The following GLI2 variants were observed in gnomAD, a reference collection of about 807,000 sequenced individuals.
GLI2 encodes the protein transcription activator GLI2.
Under a neutral mutation model 78.9 loss-of-function variants are expected in GLI2, and 22 were observed. That is an observed-to-expected ratio of 0.28 (90% CI 0.20 to 0.40). The LOEUF is 0.40. Among genes scored for constraint, GLI2 ranks in the 10% least tolerant of loss-of-function variants. The pLI is 1.00. For missense variants in GLI2, 2,097 were observed against 2,213.2 expected (o/e 0.95, Z 1.05); for synonymous variants, 974 against 963.7 (o/e 1.01, Z -0.20).
At chr2:120,750,738 A>G (rs1216437464) in intron 1 of GLI2, among the ~76,000 whole-genome samples, 3 of 152,248 alleles carry the variant, frequency 2.0e-5, no homozygotes, top group Non-Finnish European at 4.4e-5. Context: ...GGCCTTAACA[A>G]CAAAAGACAT....
Position 120,988,682 on chromosome 2 carries a change from C to G in GLI2, c.2717C>G (p.Pro906Arg). The stretch of plus-strand genomic sequence containing the variant: ...ACCAGGCTGGCGCTGCTGGACGCGC[C>G]CGAGCGCACGCTGCCCGCCGGCTGC... ...LRTRLALLDA[P>R]ERTLPAGCPR... The change falls in exon 14 of 14, where the codon CCC becomes CGC. Residue 906 changes from proline (P) to arginine (R), a missense_variant. Physicochemically the swap from Pro to Arg is moderately radical, Grantham distance 103 (BLOSUM62 -2). Coordinates refer to ENST00000361492, the MANE Select transcript of GLI2 (RefSeq NM_001374353.1). 3.0e-6 allele frequency: 4 copies of G among 1,317,284 alleles called. No homozygotes were observed. The highest frequency in any genetic ancestry group is 3.9e-6 in the Non-Finnish European group (4 of 1,029,956). The allele number at this position is 1,317,284 out of a possible 1,614,324, so 81.6% of individuals were successfully genotyped here. A position where few individuals can be genotyped will look rare whatever the true frequency, so the allele number is the denominator to read the frequency against.
At chr2:120,789,441 T>C (rs1438964085) in intron 1 of GLI2, among the ~76,000 whole-genome samples, 1 of 152,136 alleles carries the variant, frequency 6.6e-6, no homozygotes, top group African/African-American at 2.4e-5. Context: ...CTTCCCTTTG[T>C]GCTCTCCGGG....
At chr2:120,820,454 A>G (rs888240094) in intron 2 of GLI2, among the ~76,000 whole-genome samples, 1 of 152,198 alleles carries the variant, frequency 6.6e-6, no homozygotes, top group Non-Finnish European at 1.5e-5. Flanking sequence ...GTAACGTCAG[A>G]GGCTGATGCT....
chr2:120,759,136 T>A (rs1223112994), intron 1 of GLI2, among the ~76,000 whole-genome samples: 2 of 152,190 alleles, frequency 1.3e-5, no homozygotes, highest in Non-Finnish European at 2.9e-5. Context: ...ACAGACTCAG[T>A]TTCTCTTACA....
intron 5 of GLI2, among the ~76,000 whole-genome samples, chr2:120,957,076 A>G (rs571482522): frequency 1.4e-3 from 212 of 152,144 alleles, no homozygotes; most frequent in Admixed American, 2.1e-3. Flanking sequence ...ATTGCTCCTC[A>G]GCTATCTTGA....
chr2:120,872,928 A>AC, intron 2 of GLI2, among the ~76,000 whole-genome samples: 1 of 152,246 alleles, frequency 6.6e-6, no homozygotes, highest in Non-Finnish European at 1.5e-5. Flanking sequence ...TGGCAATAGT[A>AC]ATAAATGTGA....
chr2:120,982,904 G>T, intron 11 of GLI2, 24 bp downstream of exon 11: 2 of 1,608,564 alleles, frequency 1.2e-6, no homozygotes, highest in Non-Finnish European at 1.7e-6. Flanking sequence ...GCATGCACTG[G>T]GCATGCACAC....
chr2:120,988,973 C>T lies in GLI2; in HGVS notation c.3008C>T (p.Ala1003Val), dbSNP rs1274644562. 1.9e-6 allele frequency: 3 copies of T among 1,557,944 alleles called. No individual in the cohort carries two copies. The Admixed American group carries it at 5.6e-5, about 29-fold the overall frequency. Residue 1003 changes from alanine (A) to valine (V), a missense_variant, in exon 14 of 14, where the codon GCC becomes GTC. By Grantham distance (64) the Ala-to-Val change is moderately conservative. Around this residue, in one of 5 missense-constraint regions of GLI2, gnomAD observed 1,290 missense variants for 1,261.7 expected, o/e 1.02. Transcript: ENST00000361492. ...QSHPSTDGGL[A>V]RGAYSPRPPS... ...CACCCGAGCACCGACGGCGGCCTGGCCCGCGGCGCCTACTCGCCCCGGCCG... is the reference window on the plus strand; with the variant it reads ...CACCCGAGCACCGACGGCGGCCTGGTCCGCGGCGCCTACTCGCCCCGGCCG...
chr2:120,852,529 G>A lies in GLI2; in HGVS notation c.148+55061G>A, dbSNP rs535619740. The stretch of plus-strand genomic sequence containing the variant: ...GACTGAGGGACGAGTGTGTTTCTGA[G>A]GGATGGCATCCAGGACCAGTGCCAG... On this transcript the variant is annotated intron_variant, in intron 2 of 13. Coordinates refer to ENST00000361492, the MANE Select transcript of GLI2 (RefSeq NM_001374353.1). Among the ~76,000 whole-genome samples the A allele has an allele frequency of 3.3e-5, 5 of 152,296 alleles. No individual in the cohort carries two copies. In the South Asian group the frequency reaches 1.0e-3, roughly 32 times the overall value.
chr2:120,987,858 G>A (rs1370889976), intron 13 of GLI2, among the ~76,000 whole-genome samples: 2 of 152,182 alleles, frequency 1.3e-5, no homozygotes, highest in Non-Finnish European at 2.9e-5. Context: ...TAGGCCTCCT[G>A]GCTTCCCCTC....
intron 2 of GLI2, among the ~76,000 whole-genome samples, chr2:120,877,505 CCT>C (rs1688816283): frequency 6.6e-6 from 1 of 152,156 alleles, no homozygotes; most frequent in Admixed American, 6.5e-5. Context: ...CCGAAGCCCC[CCT>C]GTGCCCACTC....
chr2:120,750,967 A>G (rs567962722), intron 1 of GLI2, among the ~76,000 whole-genome samples: 14 of 152,336 alleles, frequency 9.2e-5, no homozygotes, highest in African/African-American at 3.4e-4. Flanking sequence ...AGGCCTCTCC[A>G]AAGCGGGCCT....
chr2:120,825,055 C>T (rs1685980122), intron 2 of GLI2, among the ~76,000 whole-genome samples: 1 of 152,118 alleles, frequency 6.6e-6, no homozygotes, highest in Admixed American at 6.5e-5. Flanking sequence ...AGGCTGGTCT[C>T]GAACTCCTGA....
chr2:120,970,646 A>C (rs376694469), intron 7 of GLI2, 40 bp downstream of exon 7: 1 of 1,480,354 alleles, frequency 6.8e-7, no homozygotes, highest in Non-Finnish European at 9.4e-7. Flanking sequence ...CTGGGTACTC[A>C]TCTGGACACA....
intron 2 of GLI2, among the ~76,000 whole-genome samples, chr2:120,923,627 A>G (rs906439391): frequency 6.6e-6 from 1 of 152,092 alleles, no homozygotes; most frequent in African/African-American, 2.4e-5. Context: ...CACACACCAC[A>G]TGCACATACA....
rs746700541 is a variant in GLI2 at position 120,989,727 on chromosome 2, C to T, written c.3762C>T (p.Ser1254=). 1 of 1,613,044 alleles carries T rather than the reference C, an allele frequency of 6.2e-7. No homozygotes were observed. Residue 1254 remains serine, a synonymous_variant, in exon 14 of 14, where the codon AGC becomes AGT. Transcript: ENST00000361492. ...TCAACCAGTTCCCCCAATCCTGCAG[C>T]AACATGCCAGCCAAGCCAGGGCATC... ...GALNQFPQSC[S]NMPAKPGHLG...
chr2:120,939,395 C>G (rs895650364), intron 3 of GLI2, among the ~76,000 whole-genome samples: 2 of 152,152 alleles, frequency 1.3e-5, no homozygotes, highest in Non-Finnish European at 2.9e-5. Context: ...CTTTGAGGTC[C>G]CGTGTGCTCC....
intron 2 of GLI2, among the ~76,000 whole-genome samples, chr2:120,823,034 G>A (rs559169831): frequency 6.6e-6 from 1 of 150,538 alleles, no homozygotes; most frequent in South Asian, 2.1e-4. Context: ...GGATGTGAGA[G>A]GTGGATGAAG....
At chr2:120,779,365 G>T (rs1425269514) in intron 1 of GLI2, among the ~76,000 whole-genome samples, 2 of 152,184 alleles carry the variant, frequency 1.3e-5, no homozygotes, top group Non-Finnish European at 2.9e-5. Flanking sequence ...GCCAGTGCTG[G>T]GCAGTAGGGC....
Sources: allele counts gnomAD v4.1 joint callset (sites outside exome capture counted in the v4.1 genomes callset), GRCh38; gene constraint gnomAD v4.1.1; regional missense constraint gnomAD v4.1.1; transcripts MANE v1.5; gene names NCBI Gene and HGNC (gene_info 2026-07-23, HGNC 2026-07-21).